Variants in JPH3 observed in about 807,000 individuals in gnomAD.
JPH3 encodes the protein junctophilin 3, also known as junctophilin-3.
A neutral mutation model predicts 59.6 loss-of-function variants in JPH3; 11 were observed. That is an observed-to-expected ratio of 0.18 (90% CI 0.12 to 0.31). JPH3 has a LOEUF of 0.31. Among genes scored for constraint, JPH3 ranks in the 10% least tolerant of loss-of-function variants. The pLI is 1.00. For synonymous variants in JPH3, 673 were observed against 483.6 expected, an observed-to-expected ratio of 1.39 and a Z score of -5.14; for missense variants, 1,202 against 1,105.7, an observed-to-expected ratio of 1.09 and a Z score of -1.24.
At chr16:87,670,776 T>C (rs1597279610) in intron 2 of JPH3, among the ~76,000 whole-genome samples, 1 of 152,258 alleles carries the variant, frequency 6.6e-6, no homozygotes, top group East Asian at 1.9e-4. Context: ...TGCCAGGCCC[T>C]GTCGTTGGTT....
chr16:87,668,710 C>T (rs540860632), intron 2 of JPH3, among the ~76,000 whole-genome samples: 1 of 152,308 alleles, frequency 6.6e-6, no homozygotes, highest in East Asian at 1.9e-4. Flanking sequence ...TGCTGTCAGT[C>T]TCTAAATGGG....
At chr16:87,606,133 C>T (rs917611392) in intron 1 of JPH3, among the ~76,000 whole-genome samples, 4 of 152,218 alleles carry the variant, frequency 2.6e-5, no homozygotes, top group South Asian at 2.1e-4. Flanking sequence ...GGGCAGAGAC[C>T]TCCATGCCTC....
At position 87,619,870 on chromosome 16, in the gene JPH3, C is replaced by T. The variant is rs957691583; in HGVS notation, c.382+16342C>T. 4.6e-5 allele frequency among the ~76,000 whole-genome samples: 7 copies of T among 152,090 alleles called. No homozygotes were observed. The East Asian group carries it at 1.4e-3, about 29-fold the overall frequency. ...GGGCGCAAGGAAGGGGCTGGAGATG[C>T]CTTCTAGGGAGTGAGGCTGGTGAGC... On this transcript the variant is annotated intron_variant, in intron 1 of 4. Coordinates refer to ENST00000284262, the MANE Select transcript of JPH3 (RefSeq NM_020655.4).
At position 87,696,864 on chromosome 16, in the gene JPH3, T is replaced by C; in HGVS notation, c.*204T>C. 1.7e-6 allele frequency: 1 copy of C among 581,270 alleles called. No individual in the cohort carries two copies. Among genetic ancestry groups the C allele is most frequent in the African/African-American group, 1.9e-5 (1 of 53,692 alleles). The allele number at this position is 581,270 out of a possible 1,614,324, so 36.0% of individuals were successfully genotyped here. On this transcript the variant is annotated 3_prime_UTR_variant, in exon 5 of 5. Coordinates refer to ENST00000284262, the MANE Select transcript of JPH3 (RefSeq NM_020655.4). Reference sequence around the variant, plus strand: ...TTTTTTGGATTTTAGCCAAAATTCTTTGCTTGTATAACACTCTGCTGTGTG... The same window carrying C: ...TTTTTTGGATTTTAGCCAAAATTCTCTGCTTGTATAACACTCTGCTGTGTG...
intron 4 of JPH3, among the ~76,000 whole-genome samples, chr16:87,691,446 C>T (rs985836749): frequency 2.2e-4 from 34 of 152,192 alleles, no homozygotes; most frequent in Non-Finnish European, 4.4e-5. Context: ...GTCTGCCCCT[C>T]GGGTGTGAGG....
intron 1 of JPH3, among the ~76,000 whole-genome samples, chr16:87,640,572 T>C (rs2031914816): frequency 6.6e-6 from 1 of 151,798 alleles, no homozygotes; most frequent in South Asian, 2.1e-4. Flanking sequence ...TTTGTATTTT[T>C]AGTAGAGACA....
At chr16:87,656,180 T>A (rs1221077624) in intron 2 of JPH3, among the ~76,000 whole-genome samples, 5 of 151,772 alleles carry the variant, frequency 3.3e-5, no homozygotes, top group Admixed American at 6.5e-5. Flanking sequence ...CAGAGCACAC[T>A]CTGTGTTGCA....
At chr16:87,612,601 T>G (rs966075969) in intron 1 of JPH3, among the ~76,000 whole-genome samples, 6 of 152,094 alleles carry the variant, frequency 3.9e-5, no homozygotes, top group African/African-American at 1.4e-4. Flanking sequence ...ACTGGAAACT[T>G]TAAGGCGGGG....
At chr16:87,657,965 C>T (rs1448192560) in intron 2 of JPH3, among the ~76,000 whole-genome samples, 5 of 152,334 alleles carry the variant, frequency 3.3e-5, no homozygotes, top group African/African-American at 9.6e-5. Flanking sequence ...AACCTGGCCT[C>T]ACAGTGGTCA....
chr16:87,629,852 C>T (rs2031505959), intron 1 of JPH3, among the ~76,000 whole-genome samples: 1 of 152,016 alleles, frequency 6.6e-6, no homozygotes, highest in South Asian at 2.1e-4. Flanking sequence ...CTGTCTTGGC[C>T]CATCAATTGC....
chr16:87,685,070 A>T (rs1456714894), intron 3 of JPH3, among the ~76,000 whole-genome samples: 1 of 152,276 alleles, frequency 6.6e-6, no homozygotes, highest in East Asian at 1.9e-4. Flanking sequence ...CTGACACCAC[A>T]GCCCTGAACT....
intron 2 of JPH3, among the ~76,000 whole-genome samples, chr16:87,646,631 C>A (rs923081491): frequency 3.9e-5 from 6 of 152,214 alleles, no homozygotes; most frequent in African/African-American, 1.4e-4. Flanking sequence ...TGGTGAATTT[C>A]TTTCCTCTGT....
intron 1 of JPH3, among the ~76,000 whole-genome samples, chr16:87,628,682 A>G (rs984666483): frequency 1.4e-4 from 22 of 152,132 alleles, no homozygotes; most frequent in African/African-American, 4.8e-4. Flanking sequence ...GGGCTGTGCG[A>G]GAATCGATTC....
intron 2 of JPH3, among the ~76,000 whole-genome samples, chr16:87,673,627 C>T (rs1487163510): frequency 2.0e-5 from 3 of 152,100 alleles, no homozygotes; most frequent in Non-Finnish European, 4.4e-5. Flanking sequence ...TGTTCTGGAA[C>T]GGTCATTAAA....
rs1045416692 is a variant in JPH3 at position 87,697,588 on chromosome 16, T to A, written c.*928T>A. ...CCCTAGAGGACGCCTTCTCCCATGGTTACTGATCTCCACGGGTTTTCACAT... is the reference window on the plus strand; with the variant it reads ...CCCTAGAGGACGCCTTCTCCCATGGATACTGATCTCCACGGGTTTTCACAT... On this transcript the variant is annotated 3_prime_UTR_variant, in exon 5 of 5. Transcript: ENST00000284262. 2.6e-5 allele frequency: 4 copies of A among 152,280 alleles called. No homozygotes were observed. Among genetic ancestry groups the A allele is most frequent in the African/African-American group, 9.7e-5 (4 of 41,426 alleles). The allele number at this position is 152,280 out of a possible 1,614,324, so 9.4% of individuals were successfully genotyped here. A position where few individuals can be genotyped will look rare whatever the true frequency, so the allele number is the denominator to read the frequency against.
intron 1 of JPH3, among the ~76,000 whole-genome samples, chr16:87,638,874 G>A (rs2031845214): frequency 6.6e-6 from 1 of 152,158 alleles, no homozygotes; most frequent in East Asian, 1.9e-4. Context: ...GGAAGAAGCA[G>A]GGATCTGCCT....
At chr16:87,677,598 C>T (rs927869061) in intron 2 of JPH3, among the ~76,000 whole-genome samples, 15 of 152,162 alleles carry the variant, frequency 9.9e-5, no homozygotes, top group Non-Finnish European at 7.3e-5. Context: ...TGCAGCCTGC[C>T]CAGGTAAAGC....
At chr16:87,695,437 T>C (rs1420864592) in intron 4 of JPH3, 1 of 455,872 alleles carries the variant, frequency 2.2e-6, no homozygotes, top group South Asian at 1.5e-5. Context: ...GATGTCTGCG[T>C]GGTAGGAAGT....
At chr16:87,660,576 G>C (rs2032668242) in intron 2 of JPH3, among the ~76,000 whole-genome samples, 1 of 152,186 alleles carries the variant, frequency 6.6e-6, no homozygotes, top group African/African-American at 2.4e-5. Flanking sequence ...TCTGGCACAT[G>C]TCCGTTGTAG....
Sources: allele counts gnomAD v4.1 joint callset (sites outside exome capture counted in the v4.1 genomes callset), GRCh38; gene constraint gnomAD v4.1.1; transcripts MANE v1.5; gene names NCBI Gene and HGNC (gene_info 2026-07-23, HGNC 2026-07-21).